CCDC102B: variants seen among roughly 807,000 people sequenced by gnomAD.
CCDC102B encodes coiled-coil domain containing 102B.
In CCDC102B, 75 loss-of-function variants were observed where a neutral mutation model predicts 57.4. The ratio of observed to expected loss-of-function variants is 1.31; its 90% CI spans 1.08 to 1.58. CCDC102B has a LOEUF of 1.58. Among genes scored for constraint, CCDC102B ranks in the 40% most tolerant of loss-of-function variants. The probability of loss-of-function intolerance (pLI) is 0.00; values close to 1 mark genes in which losing one functional copy is unlikely to be tolerated. For synonymous variants in CCDC102B, 206 were observed against 201.9 expected (o/e 1.02, Z -0.17); for missense variants, 636 against 582.6 (o/e 1.09, Z -0.94).
At chr18:68,994,175 T>C (rs1427395273) in intron 6 of CCDC102B, among the ~76,000 whole-genome samples, 2 of 152,218 alleles carry the variant, frequency 1.3e-5, no homozygotes, top group African/African-American at 4.8e-5. Context: ...ATTTGAATTC[T>C]ACTTTAATTG....
chr18:68,790,085 T>C (rs529853233), intron 2 of CCDC102B, among the ~76,000 whole-genome samples: 6 of 142,744 alleles, frequency 4.2e-5, no homozygotes, highest in African/African-American at 8.3e-5. Context: ...TGGAATACCC[T>C]GCCATGTGAG....
At chr18:68,759,946 A>C (rs1271390875) in intron 2 of CCDC102B, among the ~76,000 whole-genome samples, 3 of 152,096 alleles carry the variant, frequency 2.0e-5, no homozygotes, top group African/African-American at 7.2e-5. Context: ...GGCAGTCTGC[A>C]TCAAAAGACT....
At chr18:68,779,810 C>T (rs192296644) in intron 2 of CCDC102B, among the ~76,000 whole-genome samples, 1 of 152,060 alleles carries the variant, frequency 6.6e-6, no homozygotes, top group East Asian at 1.9e-4. Context: ...CTGCCTCACA[C>T]ATGGGTTGAT....
chr18:68,930,917 CTT>C (rs755236746), intron 6 of CCDC102B, among the ~76,000 whole-genome samples: 1 of 149,268 alleles, frequency 6.7e-6, no homozygotes, highest in Non-Finnish European at 1.5e-5. Flanking sequence ...AACACATACA[CTT>C]TTTTTTTTCA....
At chr18:68,915,386 T>C (rs1458614852) in intron 6 of CCDC102B, among the ~76,000 whole-genome samples, 1 of 152,232 alleles carries the variant, frequency 6.6e-6, no homozygotes, top group Non-Finnish European at 1.5e-5. Context: ...CCTTGCCTTA[T>C]GCCAGATAGA....
chr18:68,864,539 A>G (rs1046934707), intron 4 of CCDC102B, among the ~76,000 whole-genome samples: 1 of 151,860 alleles, frequency 6.6e-6, no homozygotes, highest in African/African-American at 2.4e-5. Context: ...TTCCTGCATC[A>G]TATTATTTAT....
At chr18:68,835,271 A>T (rs1178993586) in intron 1 of CCDC102B, among the ~76,000 whole-genome samples, 1 of 152,144 alleles carries the variant, frequency 6.6e-6, no homozygotes, top group Non-Finnish European at 1.5e-5. Context: ...GACTCTGTGT[A>T]GTGTTATCTA....
chr18:69,032,869 C>G (rs1415223371), intron 7 of CCDC102B, among the ~76,000 whole-genome samples: 1 of 151,744 alleles, frequency 6.6e-6, no homozygotes, highest in Non-Finnish European at 1.5e-5. Context: ...GTGAAGCTGG[C>G]TTAATTTATT....
intron 1 of CCDC102B, among the ~76,000 whole-genome samples, chr18:68,834,432 CATATATAT>C (rs67872866): frequency 2.0e-4 from 28 of 137,714 alleles, no homozygotes; most frequent in Admixed American, 5.1e-4. Flanking sequence ...TATGTAAATA[CATATATAT>C]ATATATATAT....
intron 4 of CCDC102B, among the ~76,000 whole-genome samples, chr18:68,853,574 A>AT (rs139179884): frequency 0.016 from 2,341 of 147,584 alleles, 23 homozygotes; most frequent in Non-Finnish European, 0.026. Flanking sequence ...GTTTTCTGTG[A>AT]TTTTTTAATG....
At chr18:68,929,020 GGAATACGTGCT>G (rs1170793365) in intron 6 of CCDC102B, among the ~76,000 whole-genome samples, 1 of 151,902 alleles carries the variant, frequency 6.6e-6, no homozygotes, top group Non-Finnish European at 1.5e-5. Context: ...CTGGAGACCA[GGAATACGTGCT>G]CAATGAGCTA....
chr18:68,996,292 G>T (rs557558234), intron 6 of CCDC102B, among the ~76,000 whole-genome samples: 3 of 152,232 alleles, frequency 2.0e-5, no homozygotes, highest in African/African-American at 7.2e-5. Context: ...GATGCTTCCT[G>T]CCCTAAAAAT....
At chr18:68,983,483 A>C (rs1336154533) in intron 6 of CCDC102B, among the ~76,000 whole-genome samples, 4 of 152,026 alleles carry the variant, frequency 2.6e-5, no homozygotes, top group Admixed American at 2.6e-4. Flanking sequence ...GGCTATATGA[A>C]GTCAAGTAAA....
intron 6 of CCDC102B, among the ~76,000 whole-genome samples, chr18:68,951,761 T>C (rs1392928725): frequency 6.6e-6 from 1 of 151,818 alleles, no homozygotes; most frequent in Non-Finnish European, 1.5e-5. Context: ...TGGGCTGAGA[T>C]TATGCCACTA....
chr18:68,745,111 A>G (rs2033560564), intron 2 of CCDC102B, among the ~76,000 whole-genome samples: 1 of 152,096 alleles, frequency 6.6e-6, no homozygotes, highest in African/African-American at 2.4e-5. Context: ...GTTACTCCCC[A>G]CAGAGGTAGG....
intron 2 of CCDC102B, among the ~76,000 whole-genome samples, chr18:68,735,349 G>A (rs1347669718): frequency 6.6e-6 from 1 of 152,124 alleles, no homozygotes; most frequent in African/African-American, 2.4e-5. Context: ...GTGAGGCAGC[G>A]CGCCAGGGCT....
intron 2 of CCDC102B, among the ~76,000 whole-genome samples, chr18:68,787,542 C>G (rs2035258800): frequency 6.6e-6 from 1 of 151,468 alleles, no homozygotes; most frequent in Non-Finnish European, 1.5e-5. Flanking sequence ...CAACTTCTTC[C>G]TGGTTTAGTC....
intron 2 of CCDC102B, among the ~76,000 whole-genome samples, chr18:68,731,347 A>G (rs1231707595): frequency 2.0e-5 from 3 of 152,148 alleles, no homozygotes; most frequent in African/African-American, 7.2e-5. Context: ...ACAAACCCCT[A>G]TAATCTAGTT....
At chr18:69,016,328 T>C (rs917765428) in intron 7 of CCDC102B, among the ~76,000 whole-genome samples, 3 of 152,058 alleles carry the variant, frequency 2.0e-5, no homozygotes, top group Non-Finnish European at 4.4e-5. Context: ...TAAACTGAAA[T>C]CACAAGGTTA....
Sources: gnomAD v4.1 joint callset for allele counts (sites outside exome capture counted in the v4.1 genomes callset) on GRCh38, gnomAD v4.1.1 for gene constraint, MANE v1.5 for transcripts, NCBI Gene and HGNC (gene_info 2026-07-23, HGNC 2026-07-21) for gene names.